The following USP29 variants were observed in gnomAD, a reference collection of about 807,000 sequenced individuals.
The protein encoded by USP29 is ubiquitin carboxyl-terminal hydrolase 29.
For synonymous variants in USP29, 386 were observed against 387.4 expected (o/e 1.00, Z 0.04); for missense variants, 1,102 against 1,069.0 (o/e 1.03, Z -0.43).
rs35436572 is a variant in USP29, at chr19:57,130,591, C to T, written c.1916C>T (p.Ala639Val). ...GAATTGGTCCACTTTAGAGATAGGG[C>T]AATCGGTGAAAAGGAGCTTCCAGTG... ...ESELVHFRDR[A>V]IGEKELPVAD... is the part of the protein sequence containing the mutation. Residue 639 changes from alanine (A) to valine (V), a missense_variant, in exon 4 of 4, where the codon GCA (alanine) becomes GTA (valine). Coordinates refer to ENST00000254181, the MANE Select transcript of USP29 (RefSeq NM_020903.3). 1.6e-3 allele frequency: 2,560 copies of T among 1,614,078 alleles called. 32 individuals carry two copies. The African/African-American group carries it at 0.031, about 19-fold the overall frequency.
At position 57,129,202 on chromosome 19, in the gene USP29, AT is replaced by A. The variant is rs2086840379; in HGVS notation, c.528del (p.Asp176GlufsTer9). 1.2e-6 allele frequency: 2 copies of A among 1,612,932 alleles called. No homozygotes were observed. Among genetic ancestry groups the A allele is most frequent in the East Asian group, 4.5e-5 (2 of 44,858 alleles). On this transcript the variant is annotated frameshift_variant, in exon 4 of 4. Transcript: ENST00000254181. LOFTEE classifies it low-confidence loss of function (END_TRUNC). ...AAGGGGCAAAACACACTATCATCTG[AT>A]GTACAGACAAATGAGGACATTCTGA... ...GGKGQNTLSS[D>X]VQTNEDILKE...
chr19:57,131,582 G>A lies in USP29; in HGVS notation c.*138G>A, dbSNP rs2086861860. On this transcript the variant is annotated 3_prime_UTR_variant, in exon 4 of 4. Coordinates refer to ENST00000254181, the MANE Select transcript of USP29 (RefSeq NM_020903.3). ...CTCAATGAAAAACACTTATTTTGGG[G>A]GAATATCTATTTTAACTGCTTCAGA... is the stretch of plus-strand genomic sequence containing the variant. 7.2e-7 allele frequency: 1 copy of A among 1,380,482 alleles called. No homozygotes were observed. The highest frequency in any genetic ancestry group is 9.7e-7 in the Non-Finnish European group (1 of 1,029,038). The allele number at this position is 1,380,482 out of a possible 1,614,324, so 85.5% of individuals were successfully genotyped here.
chr19:57,131,370 C>T lies in USP29; in HGVS notation c.2695C>T (p.Arg899Trp), dbSNP rs766605798. 5.8e-5 allele frequency: 94 copies of T among 1,614,118 alleles called. 1 individual carries two copies. Among genetic ancestry groups the T allele is most frequent in the Middle Eastern group, 1.7e-4 (1 of 6,058 alleles). Residue 899 changes from arginine (R) to tryptophan (W), a missense_variant, in exon 4 of 4, where the codon CGG (arginine) becomes TGG (tryptophan). Transcript: ENST00000254181. ...GCTGTTAAGAAAAGCAGAGAACTCT[C>T]GGCTACCTAGCACACAGGCAGGGGT... is the stretch of plus-strand genomic sequence containing the variant. ...EELLRKAENS[R>W]LPSTQAGVIP...
intron 1 of USP29, 97 bp downstream of exon 1, chr19:57,120,326 A>G (rs1228728507): frequency 4.0e-5 from 6 of 149,774 alleles, no homozygotes; most frequent in African/African-American, 1.2e-4. Flanking sequence ...AAGTGAGACT[A>G]TGTCTCAAAA....
chr19:57,130,713 G>A lies in USP29; in HGVS notation c.2038G>A (p.Val680Ile), dbSNP rs1294119927. The change falls in exon 4 of 4, where the codon GTT (valine) becomes ATT (isoleucine). Residue 680 changes from valine to isoleucine, a missense_variant. By Grantham distance (29) the Val-to-Ile change is conservative. Coordinates refer to ENST00000254181, the MANE Select transcript of USP29 (RefSeq NM_020903.3). ...CAGCCCAGACACAAGGCTTGTCGAG[G>A]TTCATCTTCAAGAGGTGCCTCAACA... Reference protein sequence around the residue: ...ISSPDTRLVEVHLQEVPQHPE... With the variant: ...ISSPDTRLVEIHLQEVPQHPE... The A allele has an allele frequency of 1.8e-5, 29 of 1,614,160 alleles. No individual in the cohort carries two copies. The highest frequency in any genetic ancestry group is 2.3e-5 in the Non-Finnish European group (27 of 1,180,034).
chr19:57,122,223 G>A (rs150693090), intron 1 of USP29, 102 bp from the exon 2 acceptor site: 2 of 152,172 alleles, frequency 1.3e-5, no homozygotes, highest in Non-Finnish European at 2.9e-5. Context: ...ATCAAGAAAC[G>A]TATTTCCTGG....
chr19:57,130,181 G>T lies in USP29; in HGVS notation c.1506G>T (p.Arg502Ser). Reference protein sequence around the residue: ...KSCVARHTFSRLSRVLIIHLK... With the variant: ...KSCVARHTFSSLSRVLIIHLK... ...GTGTTGCAAGGCATACATTTAGTAG[G>T]CTCTCCAGGGTCCTTATCATTCATC... Residue 502 changes from arginine to serine, a missense_variant, in exon 4 of 4, where the codon AGG (arginine) becomes AGT (serine). Physicochemically the swap from Arg to Ser is moderately radical, Grantham distance 110. Transcript: ENST00000254181. 1 of 1,614,004 alleles carries T rather than the reference G, an allele frequency of 6.2e-7. No homozygotes were observed. Among genetic ancestry groups the T allele is most frequent in the South Asian group, 1.1e-5 (1 of 91,052 alleles).
chr19:57,131,454 T>G lies in USP29; in HGVS notation c.*10T>G, dbSNP rs777954108. ...GTACAGACCTGCTTGACAGACTCAC[T>G]CGGCCTCACTTCATCCTTGCAAAGA... On this transcript the variant is annotated 3_prime_UTR_variant, in exon 4 of 4. Coordinates refer to ENST00000254181, the MANE Select transcript of USP29 (RefSeq NM_020903.3). 1 of 1,590,458 alleles carries G rather than the reference T, an allele frequency of 6.3e-7. No individual in the cohort carries two copies. The highest frequency in any genetic ancestry group is 2.2e-5 in the East Asian group (1 of 44,704).
At chr19:57,121,676 A>G (rs569614274) in intron 1 of USP29, among the ~76,000 whole-genome samples, 2 of 147,346 alleles carry the variant, frequency 1.4e-5, no homozygotes, top group East Asian at 1.9e-4. Context: ...ATATACTTAC[A>G]TATGTTATAT....
chr19:57,119,926 A>C (rs2086784727), upstream of USP29: 1 of 152,130 alleles, frequency 6.6e-6, no homozygotes, highest in Non-Finnish European at 1.5e-5. Context: ...CCGTACCTAG[A>C]CCCGTAGGTC....
intron 2 of USP29, among the ~76,000 whole-genome samples, chr19:57,122,875 A>C (rs1341104039): frequency 6.6e-6 from 1 of 152,118 alleles, no homozygotes; most frequent in Non-Finnish European, 1.5e-5. Flanking sequence ...AGGTCCAGTG[A>C]GGGTGAAGTT....
At position 57,129,654 on chromosome 19, in the gene USP29, G is replaced by A. The variant is rs1487892576; in HGVS notation, c.979G>A (p.Ala327Thr). The change falls in exon 4 of 4, where the codon GCT (alanine) becomes ACT (threonine). Residue 327 changes from alanine (A) to threonine (T), a missense_variant. Transcript: ENST00000254181. The part of the protein sequence containing the change: ...GVPWEYIPFE[A>T]LIMTLTQLLA... ...CCCATGGGAATATATTCCCTTTGAG[G>A]CTCTTATTATGACCTTGACCCAGCT... is the stretch of plus-strand genomic sequence containing the variant. The A allele has an allele frequency of 6.2e-7, 1 of 1,614,102 alleles. No homozygotes were observed. Among genetic ancestry groups the A allele is most frequent in the East Asian group, 2.2e-5 (1 of 44,866 alleles).
chr19:57,130,452 C>G lies in USP29; in HGVS notation c.1777C>G (p.Leu593Val), dbSNP rs770074358. 1.2e-6 allele frequency: 2 copies of G among 1,614,180 alleles called. No individual in the cohort carries two copies. The highest frequency in any genetic ancestry group is 1.1e-5 in the South Asian group (1 of 91,070). ...LTSESSDSLV[L>V]PVEPDKNADL... is the part of the protein sequence containing the mutation. Reference sequence around the variant, plus strand: ...CTCAGAATCCAGTGATTCCCTGGTTCTACCCGTTGAACCAGACAAGAATGC... The same window carrying G: ...CTCAGAATCCAGTGATTCCCTGGTTGTACCCGTTGAACCAGACAAGAATGC... The change falls in exon 4 of 4, where the codon CTA (leucine) becomes GTA (valine). Residue 593 changes from leucine (L) to valine (V), a missense_variant. Leu to Val is a conservative substitution (Grantham distance 32, BLOSUM62 1). Transcript: ENST00000254181.
rs754258798 is a variant in USP29 at position 57,128,632 on chromosome 19, A to C, written c.-16-28A>C. The C allele has an allele frequency of 5.3e-6, 8 of 1,514,902 alleles. No individual in the cohort carries two copies. In the Admixed American group the frequency reaches 1.6e-4, roughly 31 times the overall value. The allele number at this position is 1,514,902 out of a possible 1,614,324, so 93.8% of individuals were successfully genotyped here. On this transcript the variant is annotated intron_variant, in intron 3 of 3. Coordinates refer to ENST00000254181, the MANE Select transcript of USP29 (RefSeq NM_020903.3). ...TATAACTGTTAATATATTCTTGGTT[A>C]AAATGCATGTGTGCTTTTCTTCTTT...
Position 57,129,144 on chromosome 19 carries a change from G to A in USP29, c.469G>A (p.Val157Met). The A allele has an allele frequency of 1.9e-6, 3 of 1,613,290 alleles. No homozygotes were observed. The highest frequency in any genetic ancestry group is 2.5e-6 in the Non-Finnish European group (3 of 1,179,634). ...GTTTATGTCAAAATCACCAACACAT[G>A]TGAAAAAGGGGATATTAGAAAATCA... ...PLFMSKSPTH[V>M]KKGILENQGG... Residue 157 changes from valine to methionine, a missense_variant, in exon 4 of 4, where the codon GTG (valine) becomes ATG (methionine). By Grantham distance (21) the Val-to-Met change is conservative. Coordinates refer to ENST00000254181, the MANE Select transcript of USP29 (RefSeq NM_020903.3).
At chr19:57,122,513 A>ATG (rs761754087) in intron 2 of USP29, 39 bp downstream of exon 2, 54,772 of 135,144 alleles carry the variant, frequency 0.41, 11,622 homozygotes, top group Non-Finnish European at 0.48. Flanking sequence ...GGGTGATGGG[A>ATG]TGTGTGTGTG....
rs199579342 is a variant in USP29 at position 57,129,268 on chromosome 19, A to G, written c.593A>G (p.Asp198Gly). The stretch of plus-strand genomic sequence containing the variant: ...GTACCAAACAAGAAATATAAGACAG[A>G]TTCCTTGAAATATATACAAAGCAAT... Reference protein sequence around the residue: ...NPVPNKKYKTDSLKYIQSNRK... With the variant: ...NPVPNKKYKTGSLKYIQSNRK... The change falls in exon 4 of 4, where the codon GAT (aspartate) becomes GGT (glycine). Residue 198 changes from aspartate (D) to glycine (G), a missense_variant. Asp to Gly is a moderately conservative substitution (Grantham distance 94). Transcript: ENST00000254181. 9.3e-6 allele frequency: 15 copies of G among 1,613,304 alleles called. No individual in the cohort carries two copies. Among genetic ancestry groups the G allele is most frequent in the Non-Finnish European group, 1.2e-5 (14 of 1,179,868 alleles).
At chr19:57,120,543 T>C (rs1413925551) in intron 1 of USP29, among the ~76,000 whole-genome samples, 1 of 151,580 alleles carries the variant, frequency 6.6e-6, no homozygotes, top group Admixed American at 6.6e-5. Context: ...TGCCAGCACT[T>C]TGGGAGGCCG....
intron 3 of USP29, among the ~76,000 whole-genome samples, chr19:57,126,850 A>G (rs930018202): frequency 6.6e-6 from 1 of 151,494 alleles, no homozygotes; most frequent in African/African-American, 2.4e-5. Context: ...TGTTTTTTGG[A>G]TTTTTCAGCG....
Sources: allele counts gnomAD v4.1 joint callset (sites outside exome capture counted in the v4.1 genomes callset), GRCh38; gene constraint gnomAD v4.1.1; transcripts MANE v1.5; gene names NCBI Gene and HGNC (gene_info 2026-07-23, HGNC 2026-07-21).